The following AP3S2 variants were observed in gnomAD, a reference collection of about 807,000 sequenced individuals.
AP3S2 encodes the protein adaptor related protein complex 3 subunit sigma 2.
AP3S2 carries 22 observed loss-of-function variants against 23.4 expected under a neutral mutation model. The observed-to-expected ratio is 0.94, with a 90% CI of 0.67 to 1.34. The LOEUF (loss-of-function observed/expected upper bound fraction) is 1.34, where lower values mean the gene tolerates loss of function less well. Among genes scored for constraint, AP3S2 ranks in the 40% most tolerant of loss-of-function variants. The pLI is 0.00. For missense variants in AP3S2, 241 were observed against 236.9 expected, an observed-to-expected ratio of 1.02 and a Z score of -0.11; for synonymous variants, 86 against 87.1, an observed-to-expected ratio of 0.99 and a Z score of 0.07.
At position 89,888,890 on chromosome 15, in the gene AP3S2, G is replaced by A. The variant is rs545048002; in HGVS notation, c.161+159C>T. On this transcript the variant is annotated intron_variant, in intron 2 of 5. Transcript: ENST00000336418. ...ATCAGAAGCACAATAATTGAACTGCGCCCCAAAGAGAATTGTGTCTCTCCC... is the reference window on the plus strand; with the variant it reads ...ATCAGAAGCACAATAATTGAACTGCACCCCAAAGAGAATTGTGTCTCTCCC... 5.5e-4 allele frequency among the ~76,000 whole-genome samples: 84 copies of A among 152,106 alleles called. 1 individual carries two copies. Among genetic ancestry groups the A allele is most frequent in the Non-Finnish European group, 1.0e-3 (70 of 68,012 alleles).
intron 3 of AP3S2, among the ~76,000 whole-genome samples, chr15:89,872,374 A>AT (rs1228165705): frequency 1.3e-5 from 2 of 151,740 alleles, no homozygotes; most frequent in African/African-American, 2.4e-5. Context: ...ACAACTTAAA[A>AT]TTTTTTTTTA....
At chr15:89,836,947 T>C (rs1895206371) in intron 5 of AP3S2, among the ~76,000 whole-genome samples, 1 of 152,074 alleles carries the variant, frequency 6.6e-6, no homozygotes, top group African/African-American at 2.4e-5. Flanking sequence ...ATTAAAGAGG[T>C]AATTTGTTCT....
chr15:89,868,548 C>A (rs1896221677), intron 4 of AP3S2, among the ~76,000 whole-genome samples: 1 of 135,778 alleles, frequency 7.4e-6, no homozygotes, highest in South Asian at 2.4e-4. Context: ...GGCCAGCCGC[C>A]CCGTCCGGGA....
Position 89,835,494 on chromosome 15 carries a change from T to C in AP3S2, c.*21A>G, listed in dbSNP as rs1419408003. On this transcript the variant is annotated 3_prime_UTR_variant, in exon 6 of 6. Transcript: ENST00000336418. ...GTCTTTGCTTGTCTTAAGGACTCTATTTCAGGCCAATACTTGATCCTCAGA... is the reference window on the plus strand; with the variant it reads ...GTCTTTGCTTGTCTTAAGGACTCTACTTCAGGCCAATACTTGATCCTCAGA... 2 of 1,612,318 alleles carry C rather than the reference T, an allele frequency of 1.2e-6. No homozygotes were observed. Among genetic ancestry groups the C allele is most frequent in the East Asian group, 2.2e-5 (1 of 44,858 alleles).
At chr15:89,882,095 T>C (rs1896583332) in intron 3 of AP3S2, among the ~76,000 whole-genome samples, 1 of 152,084 alleles carries the variant, frequency 6.6e-6, no homozygotes, top group Non-Finnish European at 1.5e-5. Context: ...GTGCTGGGGT[T>C]ACAGGTGTGA....
At chr15:89,889,316 G>C (rs1374638428) in intron 1 of AP3S2, 176 bp from the exon 2 acceptor site, 1 of 658,826 alleles carries the variant, frequency 1.5e-6, no homozygotes, top group Admixed American at 2.8e-5. Context: ...TGAAAGATGG[G>C]TGACAATGCT....
chr15:89,866,899 G>T (rs927435513), intron 4 of AP3S2, among the ~76,000 whole-genome samples: 1 of 152,060 alleles, frequency 6.6e-6, no homozygotes, highest in Non-Finnish European at 1.5e-5. Context: ...GAGGAGGTGG[G>T]TGATGGGAGT....
intron 3 of AP3S2, among the ~76,000 whole-genome samples, chr15:89,872,333 C>T (rs1896340162): frequency 6.6e-6 from 1 of 152,008 alleles, no homozygotes; most frequent in South Asian, 2.1e-4. Context: ...TACAAAATAC[C>T]TTCCTATGAA....
intron 4 of AP3S2, among the ~76,000 whole-genome samples, chr15:89,854,477 G>A (rs1895759443): frequency 1.7e-5 from 1 of 59,318 alleles, no homozygotes; most frequent in Non-Finnish European, 3.7e-5. Flanking sequence ...TGGGAAGTGA[G>A]GAGCCCCTCT....
chr15:89,880,991 C>G lies in AP3S2; in HGVS notation c.273+7530G>C, dbSNP rs149874103. Among the ~76,000 whole-genome samples, 23 of 152,278 alleles carry G rather than the reference C, an allele frequency of 1.5e-4. 1 individual carries two copies. In the East Asian group the frequency reaches 4.4e-3, roughly 29 times the overall value. ...GAAGGAAGTAAACAGGATGATGTGA[C>G]AGGGGTTACTTCAGATAGAGTGCTA... On this transcript the variant is annotated intron_variant, in intron 3 of 5. Coordinates refer to ENST00000336418, the MANE Select transcript of AP3S2 (RefSeq NM_005829.5).
intron 4 of AP3S2, among the ~76,000 whole-genome samples, chr15:89,856,958 TCTGA>T (rs1299438605): frequency 2.6e-5 from 4 of 151,866 alleles, no homozygotes; most frequent in African/African-American, 7.3e-5. Context: ...ACTAATCAAC[TCTGA>T]CTGTCCTGTA....
intron 1 of AP3S2, chr15:89,893,006 A>G (rs1363922785): frequency 1.3e-5 from 2 of 152,228 alleles, no homozygotes; most frequent in Non-Finnish European, 1.5e-5. Context: ...ACTTAATAAA[A>G]TGTAATCTAG....
intron 4 of AP3S2, among the ~76,000 whole-genome samples, chr15:89,865,236 T>C (rs530547557): frequency 6.6e-6 from 1 of 152,142 alleles, no homozygotes; most frequent in African/African-American, 2.4e-5. Flanking sequence ...ATGGAATATA[T>C]ATATATATAT....
In AP3S2 at chr15:89,835,620, C is replaced by T. The variant is rs112739850; in HGVS notation, c.477G>A (p.Ala159=). ...KSEGGLSAAP[A]RAVSAVKNIN... ...TGTTTTTCACAGCAGACACAGCCCG[C>T]GCAGGGGCTGCTGAAAGGCCACCCT... The change falls in exon 6 of 6, where the codon GCG becomes GCA. Residue 159 remains alanine, a synonymous_variant. Coordinates refer to ENST00000336418, the MANE Select transcript of AP3S2 (RefSeq NM_005829.5). The T allele has an allele frequency of 1.3e-3, 2,060 of 1,610,652 alleles. 18 individuals carry two copies. In the African/African-American group the frequency reaches 0.025, roughly 19 times the overall value.
intron 4 of AP3S2, chr15:89,865,647 G>A (rs986393867): frequency 6.6e-6 from 1 of 152,158 alleles, no homozygotes; most frequent in African/African-American, 2.4e-5. Flanking sequence ...CCTTCTAGAG[G>A]CCTGTTTCTT....
intron 4 of AP3S2, chr15:89,838,058 T>C (rs894078034): frequency 1.1e-5 from 3 of 271,880 alleles, no homozygotes; most frequent in Non-Finnish European, 1.4e-5. Context: ...CCTTCCAGGA[T>C]TGCAGTGAGG....
intron 3 of AP3S2, among the ~76,000 whole-genome samples, chr15:89,874,208 C>G (rs1896388797): frequency 6.7e-6 from 1 of 149,544 alleles, no homozygotes. Flanking sequence ...TTCATTTTAT[C>G]TCCTTCTTCT....
At chr15:89,853,784 G>A (rs1387772527) in intron 4 of AP3S2, among the ~76,000 whole-genome samples, 2 of 103,462 alleles carry the variant, frequency 1.9e-5, no homozygotes, top group Non-Finnish European at 3.9e-5. Flanking sequence ...TGTGAGGAGC[G>A]CCTCTGCCCG....
intron 4 of AP3S2, among the ~76,000 whole-genome samples, chr15:89,842,159 G>C (rs1425947513): frequency 1.4e-5 from 2 of 147,700 alleles, no homozygotes; most frequent in Non-Finnish European, 3.0e-5. Context: ...AAAGGGAGAA[G>C]AAACTGCTAA....
Sources: gnomAD v4.1 joint callset for allele counts (sites outside exome capture counted in the v4.1 genomes callset) on GRCh38, gnomAD v4.1.1 for gene constraint, MANE v1.5 for transcripts, NCBI Gene and HGNC (gene_info 2026-07-23, HGNC 2026-07-21) for gene names.